The following JAKMIP3 variants were observed in gnomAD, a reference collection of about 807,000 sequenced individuals.
The protein encoded by JAKMIP3 is Janus kinase and microtubule interacting protein 3.
A neutral mutation model predicts 118.5 loss-of-function variants in JAKMIP3; 58 were observed. That is an observed-to-expected ratio of 0.49 (90% CI 0.40 to 0.61). The LOEUF is 0.61. Ranked by LOEUF, JAKMIP3 falls within the 20% of genes least tolerant of loss-of-function variation. The probability of loss-of-function intolerance (pLI) is 0.00; values close to 1 mark genes in which losing one functional copy is unlikely to be tolerated. For missense variants in JAKMIP3, 950 were observed against 1,109.0 expected (o/e 0.86, Z 2.04); for synonymous variants, 486 against 451.2 (o/e 1.08, Z -0.98).
rs183261430 is a variant in JAKMIP3 at position 132,135,747 on chromosome 10, T to G, written c.970-183T>G. ...TGGACGAGCAGGTTCACCAGTGCTC[T>G]GGGCAAGTGGGTTCACCCGGGCGCT... On this transcript the variant is annotated intron_variant, in intron 5 of 23. Coordinates refer to ENST00000684848, the MANE Select transcript of JAKMIP3 (RefSeq NM_001323087.2). Among the ~76,000 whole-genome samples the G allele has an allele frequency of 4.7e-4, 71 of 151,802 alleles. No homozygotes were observed. The East Asian group carries it at 0.013, about 29-fold the overall frequency.
At chr10:132,135,817 G>C in intron 5 of JAKMIP3, 113 bp from the exon 6 acceptor site, 1 of 1,160,160 alleles carries the variant, frequency 8.6e-7, no homozygotes, top group East Asian at 2.6e-5. Context: ...CCAAGTAGAG[G>C]GCTGGGGACT....
intron 10 of JAKMIP3, among the ~76,000 whole-genome samples, chr10:132,141,499 C>G (rs1272868437): frequency 6.6e-6 from 1 of 152,152 alleles, no homozygotes; most frequent in Admixed American, 6.5e-5. Flanking sequence ...TTCACAAAGC[C>G]CAGCTTTCTT....
intron 23 of JAKMIP3, among the ~76,000 whole-genome samples, chr10:132,171,660 T>C (rs577123393): frequency 2.0e-5 from 3 of 150,926 alleles, no homozygotes; most frequent in East Asian, 1.9e-4. Flanking sequence ...TTCTTTTTTT[T>C]TTTTTTTTTT....
chr10:132,159,323 CGCCTCTCCCTGTGTGATGCTGAGGGG>C (rs2057551390), intron 19 of JAKMIP3, among the ~76,000 whole-genome samples: 5 of 85,434 alleles, frequency 5.9e-5, no homozygotes, highest in African/African-American at 9.6e-5. Context: ...ATGCTGAGGG[CGCCTCTCCCTGTGTGATGCTGAGGGG>C]GCCTCTCCCT....
intron 19 of JAKMIP3, among the ~76,000 whole-genome samples, chr10:132,159,248 C>G (rs1352149247): frequency 5.1e-5 from 6 of 118,608 alleles, no homozygotes; most frequent in Admixed American, 8.6e-5. Flanking sequence ...CTGGGGGGGC[C>G]TCTCCCTGTG....
chr10:132,142,812 AGCTGTGG>A (rs954776700), intron 11 of JAKMIP3, among the ~76,000 whole-genome samples: 1 of 152,152 alleles, frequency 6.6e-6, no homozygotes, highest in African/African-American at 2.4e-5. Flanking sequence ...CAGAGCAGGC[AGCTGTGG>A]GGTGTGGGGT....
chr10:132,101,600 A>G (rs1453914478), intron 1 of JAKMIP3, among the ~76,000 whole-genome samples: 3 of 152,182 alleles, frequency 2.0e-5, no homozygotes, highest in Non-Finnish European at 2.9e-5. Context: ...ATGCCCTATG[A>G]CAGCCAGATG....
chr10:132,103,293 C>T (rs1237545686), intron 1 of JAKMIP3, among the ~76,000 whole-genome samples: 5 of 150,368 alleles, frequency 3.3e-5, no homozygotes, highest in Non-Finnish European at 5.9e-5. Flanking sequence ...GGGTCCTTGA[C>T]CCTCTGGGCA....
intron 2 of JAKMIP3, among the ~76,000 whole-genome samples, chr10:132,106,132 C>T (rs1042552367): frequency 4.0e-5 from 6 of 151,754 alleles, no homozygotes; most frequent in African/African-American, 9.7e-5. Context: ...CCCAGGAGTT[C>T]GAGACCAACC....
chr10:132,153,019 A>T lies in JAKMIP3; in HGVS notation c.2069A>T (p.Glu690Val). The T allele has an allele frequency of 6.2e-7, 1 of 1,605,378 alleles. No individual in the cohort carries two copies. ...GCCAGGACAGTCCTGACCTTGGCCG[A>T]AAAGGTAACAGCAGCTGTGTGGACA... The part of the protein sequence containing the change: ...IQARTVLTLA[E>V]KWLQQIEETE... The change falls in exon 17 of 24, where the codon GAA becomes GTA. Residue 690 changes from glutamate (E) to valine (V), a missense_variant. By Grantham distance (121) the Glu-to-Val change is moderately radical. Transcript: ENST00000684848.
intron 1 of JAKMIP3, among the ~76,000 whole-genome samples, chr10:132,048,257 G>C (rs2037983908): frequency 6.6e-6 from 1 of 152,184 alleles, no homozygotes; most frequent in South Asian, 2.1e-4. Flanking sequence ...GTAGTTAATG[G>C]CTCTCCGAGC....
chr10:132,080,918 T>C (rs1030428987), intron 1 of JAKMIP3, among the ~76,000 whole-genome samples: 4 of 152,192 alleles, frequency 2.6e-5, no homozygotes, highest in Non-Finnish European at 5.9e-5. Flanking sequence ...TTTCAGCCTG[T>C]TGATTATGCC....
At position 132,049,939 on chromosome 10, in the gene JAKMIP3, A is replaced by T. The variant is rs561614338; in HGVS notation, c.-138+13201A>T. On this transcript the variant is annotated intron_variant, in intron 1 of 23. Coordinates refer to the JAKMIP3 transcript ENST00000657785. The surrounding 1 kb of genome is among the most constrained non-coding windows in gnomAD (Gnocchi z 4.3). The stretch of plus-strand genomic sequence containing the variant: ...GAATCCCTTTTCTGTCAGCCTGGCG[A>T]TGTCCACACATTTTAGTGAGGTTTT... Among the ~76,000 whole-genome samples, 184 of 152,310 alleles carry T rather than the reference A, an allele frequency of 1.2e-3. 8 individuals carry two copies. The South Asian group carries it at 0.037, about 30-fold the overall frequency.
chr10:132,138,466 G>A (rs1002357980), intron 9 of JAKMIP3, among the ~76,000 whole-genome samples: 76 of 151,740 alleles, frequency 5.0e-4, no homozygotes, highest in East Asian at 3.9e-4. Context: ...GACCGCGCCC[G>A]CGTGTGTGGA....
chr10:132,181,772 T>C (rs935049506), intron 23 of JAKMIP3, among the ~76,000 whole-genome samples: 5 of 151,918 alleles, frequency 3.3e-5, no homozygotes, highest in Admixed American at 3.3e-4. Context: ...AACCGTGGTG[T>C]CTCTACGGCC....
chr10:132,101,955 C>G (rs1185970497), intron 1 of JAKMIP3, among the ~76,000 whole-genome samples: 1 of 151,738 alleles, frequency 6.6e-6, no homozygotes, highest in African/African-American at 2.4e-5. Flanking sequence ...GAGGTGGGCC[C>G]ACAGTTCTGG....
In JAKMIP3 at chr10:132,117,804, C is replaced by A. The variant is rs1050775298; in HGVS notation, c.633+230C>A. Among the ~76,000 whole-genome samples the A allele has an allele frequency of 6.6e-6, 1 of 152,162 alleles. No homozygotes were observed. The highest frequency in any genetic ancestry group is 1.5e-5 in the Non-Finnish European group (1 of 68,028). On this transcript the variant is annotated intron_variant, in intron 3 of 23. Transcript: ENST00000684848. This position sits in a 1 kb window ranked among gnomAD's most constrained non-coding sequence, Gnocchi z 8.6. ...GAAAAGGTTCAGACCCACAGTCAGG[C>A]CCGCACGGGGCAGGCCAGACTCTCA...
intron 2 of JAKMIP3, among the ~76,000 whole-genome samples, chr10:132,114,582 C>T (rs1389116482): frequency 6.6e-6 from 1 of 152,156 alleles, no homozygotes; most frequent in African/African-American, 2.4e-5. Context: ...TCTGTTCTGT[C>T]TTGGTTCTTT....
chr10:132,135,674 T>A (rs985671199), intron 5 of JAKMIP3, among the ~76,000 whole-genome samples: 13 of 152,220 alleles, frequency 8.5e-5, no homozygotes, highest in Non-Finnish European at 1.8e-4. Flanking sequence ...AGCCCAGCCC[T>A]GAGCTTGGGT....
Sources: allele counts gnomAD v4.1 joint callset (sites outside exome capture counted in the v4.1 genomes callset), GRCh38; gene constraint gnomAD v4.1.1; non-coding constraint Gnocchi (gnomAD v3.1); transcripts MANE v1.5; gene names NCBI Gene and HGNC (gene_info 2026-07-23, HGNC 2026-07-21).